Variants in RFK observed in about 807,000 individuals in gnomAD.
RFK encodes 0610038L10Rik.
RFK carries 4 observed loss-of-function variants against 17.6 expected under a neutral mutation model. The ratio of observed to expected loss-of-function variants is 0.23; its 90% CI spans 0.11 to 0.52. The LOEUF (loss-of-function observed/expected upper bound fraction) is 0.52. Ranked by LOEUF, RFK falls within the 20% of genes least tolerant of loss-of-function variation. RFK has a pLI of 0.96. For synonymous variants in RFK, 59 were observed against 63.8 expected (o/e 0.92, Z 0.36); for missense variants, 189 against 187.7 (o/e 1.01, Z -0.04).
Position 76,387,167 on chromosome 9 carries a change from A to G in RFK, c.*232T>C, listed in dbSNP as rs1383610096. 1.1e-5 allele frequency: 4 copies of G among 377,076 alleles called. No homozygotes were observed. The highest frequency in any genetic ancestry group is 1.9e-5 in the Non-Finnish European group (4 of 206,932). 23.4% of individuals were successfully genotyped at this position (377,076 alleles called of 1,614,324 possible). On this transcript the variant is annotated 3_prime_UTR_variant, in exon 4 of 4. Transcript: ENST00000376736. ...TAATACCTTTCTAGTGGTACATTTT[A>G]ATCAATATATATTTTTTAAATCTTA...
rs1822752155 is a variant in RFK at position 76,387,387 on chromosome 9, T to C, written c.*12A>G. 6.3e-7 allele frequency: 1 copy of C among 1,599,144 alleles called. No individual in the cohort carries two copies. The highest frequency in any genetic ancestry group is 8.5e-7 in the Non-Finnish European group (1 of 1,172,300). ...TAGAAAACAGTGAATGAATAAATAA[T>C]ACAATTTTTCATCAGTGGCCATTCA... is the stretch of plus-strand genomic sequence containing the variant. On this transcript the variant is annotated 3_prime_UTR_variant, in exon 4 of 4. Coordinates refer to ENST00000376736, the MANE Select transcript of RFK (RefSeq NM_018339.6).
chr9:76,391,952 G>T (rs1353855324), intron 2 of RFK, among the ~76,000 whole-genome samples: 1 of 141,850 alleles, frequency 7.0e-6, no homozygotes, highest in African/African-American at 2.6e-5. Context: ...AAAAAAAAAA[G>T]ATGCAATTTC....
In RFK at chr9:76,387,537, G is replaced by A. The variant is rs1336323555; in HGVS notation, c.338-8C>T. The A allele has an allele frequency of 3.7e-6, 6 of 1,606,914 alleles. No individual in the cohort carries two copies. Among genetic ancestry groups the A allele is most frequent in the Middle Eastern group, 3.3e-4 (2 of 5,978 alleles). On this transcript the variant is annotated splice_region_variant and splice_polypyrimidine_tract_variant and intron_variant, in intron 3 of 3. Coordinates refer to ENST00000376736, the MANE Select transcript of RFK (RefSeq NM_018339.6). ...TTGCTGAAATAAGTGACTCTGCAGA[G>A]AGAATATACCAGGTAAAAATGATGA...
chr9:76,388,800 T>C (rs1203635228), intron 2 of RFK, 144 bp from the exon 3 acceptor site: 1 of 551,730 alleles, frequency 1.8e-6, no homozygotes, highest in Admixed American at 3.7e-5. Flanking sequence ...AAAATCTAAG[T>C]GCAGTTTTTC....
chr9:76,387,320 T>C lies in RFK; in HGVS notation c.*79A>G, dbSNP rs573804851. 1.2e-5 allele frequency: 16 copies of C among 1,345,928 alleles called. No homozygotes were observed. Among genetic ancestry groups the C allele is most frequent in the East Asian group, 9.2e-5 (4 of 43,424 alleles). 83.4% of individuals were successfully genotyped at this position (1,345,928 alleles called of 1,614,324 possible). A position where few individuals can be genotyped will look rare whatever the true frequency, so the allele number is the denominator to read the frequency against. ...GTAGTAAAGTGTTTGATTTTCAGTA[T>C]ATAACCAAGATGATGCTGAACAGTA... On this transcript the variant is annotated 3_prime_UTR_variant, in exon 4 of 4. Transcript: ENST00000376736.
Position 76,393,999 on chromosome 9 carries a change from G to GCC in RFK, c.82+89_82+90dup, listed in dbSNP as rs1822856144. On this transcript the variant is annotated intron_variant, in intron 1 of 3. Coordinates refer to ENST00000376736, the MANE Select transcript of RFK (RefSeq NM_018339.6). Reference sequence around the variant, plus strand: ...TGTGCTCTCTGCCCGCGGTCCGGAGGCCCCACGCCCCGGTCCCAAGTCCCC... The same window carrying GCC: ...TGTGCTCTCTGCCCGCGGTCCGGAGGCCCCCCACGCCCCGGTCCCAAGTCCCC... The GCC allele has an allele frequency of 7.4e-6, 9 of 1,223,346 alleles. No individual in the cohort carries two copies. In the South Asian group the frequency reaches 1.1e-4, roughly 15 times the overall value. 75.8% of individuals were successfully genotyped at this position (1,223,346 alleles called of 1,614,324 possible). A position where few individuals can be genotyped will look rare whatever the true frequency, so the allele number is the denominator to read the frequency against.
rs1822723821 is a variant in RFK at position 76,386,031 on chromosome 9, A to G, written c.*1368T>C. The G allele has an allele frequency of 6.6e-6, 1 of 152,208 alleles. No individual in the cohort carries two copies. 9.4% of individuals were successfully genotyped at this position (152,208 alleles called of 1,614,324 possible). A position where few individuals can be genotyped will look rare whatever the true frequency, so the allele number is the denominator to read the frequency against. On this transcript the variant is annotated 3_prime_UTR_variant, in exon 4 of 4. Coordinates refer to ENST00000376736, the MANE Select transcript of RFK (RefSeq NM_018339.6). ...AATCAGTTCTAATTCATTTATGCAG[A>G]TTAGGGGAAAATGATTCATAATAAA... is the stretch of plus-strand genomic sequence containing the variant.
chr9:76,387,614 C>T, intron 3 of RFK, 85 bp from the exon 4 acceptor site: 1 of 1,344,052 alleles, frequency 7.4e-7, no homozygotes, highest in Non-Finnish European at 1.0e-6. Flanking sequence ...ATCCTAAAAA[C>T]TCACAGGCTG....
At position 76,386,179 on chromosome 9, in the gene RFK, T is replaced by C. The variant is rs1822728310; in HGVS notation, c.*1220A>G. On this transcript the variant is annotated 3_prime_UTR_variant, in exon 4 of 4. Transcript: ENST00000376736. ...GGGCCCAAAGCATCTGTAATCTTAA[T>C]TTCCCACATATTAGTTAGTAGGAGG... The C allele has an allele frequency of 6.6e-6, 1 of 152,204 alleles. No homozygotes were observed. Among genetic ancestry groups the C allele is most frequent in the Non-Finnish European group, 1.5e-5 (1 of 68,040 alleles). The allele number at this position is 152,204 out of a possible 1,614,324, so 9.4% of individuals were successfully genotyped here.
At chr9:76,391,886 G>C (rs1404919140) in intron 2 of RFK, among the ~76,000 whole-genome samples, 3 of 151,210 alleles carry the variant, frequency 2.0e-5, no homozygotes, top group African/African-American at 7.3e-5. Flanking sequence ...AACCTGGCCT[G>C]TGAACAGCTA....
intron 2 of RFK, 51 bp downstream of exon 2, chr9:76,392,367 A>G (rs752856872): frequency 1.3e-6 from 2 of 1,579,112 alleles, no homozygotes; most frequent in Middle Eastern, 3.3e-4. Context: ...GTAATATATT[A>G]TTCTAAGTCA....
chr9:76,388,837 G>A (rs964770758), intron 2 of RFK, among the ~76,000 whole-genome samples, 181 bp from the exon 3 acceptor site: 1 of 152,106 alleles, frequency 6.6e-6, no homozygotes, highest in African/African-American at 2.4e-5. Flanking sequence ...CTCCTGTTTG[G>A]ATCTTATAAA....
chr9:76,389,775 A>C (rs1470996050), intron 2 of RFK, among the ~76,000 whole-genome samples: 2 of 152,190 alleles, frequency 1.3e-5, no homozygotes, highest in African/African-American at 4.8e-5. Context: ...ATCTCAAAAA[A>C]AAATTTAAAA....
intron 3 of RFK, chr9:76,388,147 A>G (rs1308439405): frequency 2.5e-6 from 1 of 400,450 alleles, no homozygotes; most frequent in Non-Finnish European, 4.9e-6. Flanking sequence ...AAACTTTATA[A>G]CAGAGTTAAA....
chr9:76,386,132 T>C lies in RFK; in HGVS notation c.*1267A>G, dbSNP rs779753110. 1 of 152,216 alleles carries C rather than the reference T, an allele frequency of 6.6e-6. No homozygotes were observed. The highest frequency in any genetic ancestry group is 2.1e-4 in the South Asian group (1 of 4,838). 9.4% of individuals were successfully genotyped at this position (152,216 alleles called of 1,614,324 possible). On this transcript the variant is annotated 3_prime_UTR_variant, in exon 4 of 4. Transcript: ENST00000376736. Reference sequence around the variant, plus strand: ...CACCAAATCTGTTGCTACAGTGAACTGTAGCAATGTACTGTTTGAGGGGGC... The same window carrying C: ...CACCAAATCTGTTGCTACAGTGAACCGTAGCAATGTACTGTTTGAGGGGGC...
In RFK at chr9:76,387,604, A is replaced by G. The variant is rs529998435; in HGVS notation, c.338-75T>C. 5.5e-6 allele frequency: 8 copies of G among 1,445,630 alleles called. No homozygotes were observed. The Admixed American group carries it at 8.1e-5, about 15-fold the overall frequency. The allele number at this position is 1,445,630 out of a possible 1,614,324, so 89.6% of individuals were successfully genotyped here. Reference sequence around the variant, plus strand: ...TTTTTACTACTACTCTGTTTAGCCAATCCTAAAAACTCACAGGCTGGCAGT... The same window carrying G: ...TTTTTACTACTACTCTGTTTAGCCAGTCCTAAAAACTCACAGGCTGGCAGT... On this transcript the variant is annotated intron_variant, in intron 3 of 3. Coordinates refer to ENST00000376736, the MANE Select transcript of RFK (RefSeq NM_018339.6).
intron 3 of RFK, 34 bp downstream of exon 3, chr9:76,388,520 A>T: frequency 1.6e-6 from 2 of 1,231,884 alleles, no homozygotes; most frequent in East Asian, 4.6e-5. Context: ...TGGTAGCAGT[A>T]GTAGTATTTA....
rs1468385326 is a variant in RFK at position 76,392,509 on chromosome 9, T to C, written c.143A>G (p.Tyr48Cys). Reference protein sequence around the residue: ...LPADISTGIYYGWASVGSGDV... With the variant: ...LPADISTGIYCGWASVGSGDV... ...TCCACTTCCAACACTGGCCCAACCA[T>C]AGTAAATACCAGTGGATATATCAGC... The change falls in exon 2 of 4, where the codon TAT (tyrosine) becomes TGT (cysteine). Residue 48 changes from tyrosine (Y) to cysteine (C), a missense_variant. By Grantham distance (194) the Tyr-to-Cys change is radical. This residue lies in a region of RFK where 90 missense variants were observed against 75.4 expected (regional missense o/e 1.19). Coordinates refer to ENST00000376736, the MANE Select transcript of RFK (RefSeq NM_018339.6). 7.4e-6 allele frequency: 12 copies of C among 1,614,126 alleles called. No homozygotes were observed. Among genetic ancestry groups the C allele is most frequent in the East Asian group, 2.2e-5 (1 of 44,890 alleles).
Position 76,392,462 on chromosome 9 carries a change from T to C in RFK, c.190A>G (p.Ser64Gly). 6.2e-7 allele frequency: 1 copy of C among 1,614,228 alleles called. No individual in the cohort carries two copies. The highest frequency in any genetic ancestry group is 8.5e-7 in the Non-Finnish European group (1 of 1,180,036). ...TTGTAATATGGGTTCCATCCTATGC[T>C]CACCACCATCTTATGGACATCTCCA... ...GSGDVHKMVV[S>G]IGWNPYYKNT... The change falls in exon 2 of 4, where the codon AGC (serine) becomes GGC (glycine). Residue 64 changes from serine to glycine, a missense_variant. Physicochemically the swap from Ser to Gly is moderately conservative, Grantham distance 56. Transcript: ENST00000376736.
Sources: allele counts gnomAD v4.1 joint callset (sites outside exome capture counted in the v4.1 genomes callset), GRCh38; gene constraint gnomAD v4.1.1; regional missense constraint gnomAD v4.1.1; transcripts MANE v1.5; gene names NCBI Gene and HGNC (gene_info 2026-07-23, HGNC 2026-07-21).